Variants in ZNF534 observed in about 807,000 individuals in gnomAD.
The protein encoded by ZNF534 is KRAB domain only 3.
A neutral mutation model predicts 13.6 loss-of-function variants in ZNF534; 19 were observed. The observed-to-expected ratio is 1.40, with a 90% CI of 0.97 to 2.05. ZNF534 has a LOEUF of 2.05. Ranked by LOEUF, ZNF534 falls within the 30% of genes most tolerant of loss-of-function variation. The pLI is 0.00. For synonymous variants in ZNF534, 244 were observed against 273.8 expected, an observed-to-expected ratio of 0.89 and a Z score of 1.07; for missense variants, 782 against 796.3, an observed-to-expected ratio of 0.98 and a Z score of 0.22.
downstream of ZNF534, among the ~76,000 whole-genome samples, chr19:52,446,217 C>T (rs1267129880): frequency 6.6e-6 from 1 of 152,120 alleles, no homozygotes; most frequent in Non-Finnish European, 1.5e-5. Flanking sequence ...CATCCCCCAC[C>T]ACATGCCAAT....
intron 1 of ZNF534, among the ~76,000 whole-genome samples, chr19:52,430,376 T>G (rs1229314867): frequency 6.6e-6 from 1 of 152,004 alleles, no homozygotes; most frequent in Non-Finnish European, 1.5e-5. Context: ...TTAAGGGGAA[T>G]TAATAGGGTT....
intron 3 of ZNF534, among the ~76,000 whole-genome samples, chr19:52,434,291 C>G (rs113398066): frequency 2.6e-5 from 4 of 151,434 alleles, no homozygotes; most frequent in Middle Eastern, 3.4e-3. Flanking sequence ...GTCAGGAGAT[C>G]GAGACCACGG....
intron 3 of ZNF534, among the ~76,000 whole-genome samples, chr19:52,434,464 C>CAAAAA (rs528136970): frequency 4.8e-4 from 30 of 63,092 alleles, no homozygotes; most frequent in East Asian, 7.6e-4. Context: ...GACTCCGTCT[C>CAAAAA]AAAAAAAAAA....
downstream of ZNF534, among the ~76,000 whole-genome samples, chr19:52,444,958 G>A (rs886102727): frequency 2.6e-5 from 4 of 152,118 alleles, no homozygotes; most frequent in African/African-American, 9.7e-5. Flanking sequence ...TAAGGCTTTC[G>A]TGCCTCCCAG....
Position 52,451,466 on chromosome 19 carries a change from G to A in ZNF534, c.551G>A (p.Trp184Ter). The change falls in exon 5 of 5, where the codon TGG (tryptophan) becomes TAG (stop). Residue 184 changes from tryptophan (W) to a stop codon, truncating the protein, a stop_gained. Coordinates refer to the ZNF534 transcript ENST00000301085. LOFTEE classifies it high-confidence loss of function. ...CACGCCCCGGACGCTGTCCAGCGTTGGCCGCCTGAGCAGAGGCTGCCGCGG... is the reference window on the plus strand; with the variant it reads ...CACGCCCCGGACGCTGTCCAGCGTTAGCCGCCTGAGCAGAGGCTGCCGCGG... The A allele has an allele frequency of 1.7e-6, 1 of 585,152 alleles. No homozygotes were observed. The highest frequency in any genetic ancestry group is 3.0e-6 in the Non-Finnish European group (1 of 332,688). 36.2% of individuals were successfully genotyped at this position (585,152 alleles called of 1,614,324 possible).
rs901803062 is a variant in ZNF534, at chr19:52,440,813, C to T, written c.*1367C>T. Among the ~76,000 whole-genome samples, 4 of 150,466 alleles carry T rather than the reference C, an allele frequency of 2.7e-5. No individual in the cohort carries two copies. Among genetic ancestry groups the T allele is most frequent in the Non-Finnish European group, 5.9e-5 (4 of 67,784 alleles). On this transcript the variant is annotated 3_prime_UTR_variant, in exon 5 of 5. Coordinates refer to ENST00000433050, the MANE Select transcript of ZNF534 (RefSeq NM_001143938.3). ...AAAAAGAATTCATACTGGAAGGAAG[C>T]GTTACAAATGTAATGAATGCGGCAG... is the stretch of plus-strand genomic sequence containing the variant.
intron 4 of ZNF534, among the ~76,000 whole-genome samples, chr19:52,448,850 A>C (rs1284845040): frequency 1.3e-5 from 2 of 152,200 alleles, no homozygotes; most frequent in African/African-American, 2.4e-5. Context: ...TCAAACATTT[A>C]TTTCTTTCTC....
intron 1 of ZNF534, among the ~76,000 whole-genome samples, chr19:52,429,446 G>A (rs1322258920): frequency 6.6e-6 from 1 of 151,954 alleles, no homozygotes; most frequent in African/African-American, 2.4e-5. Flanking sequence ...CGGGCGCGGT[G>A]CCTCACGCCT....
chr19:52,447,938 A>G (rs2059200143), intron 4 of ZNF534, among the ~76,000 whole-genome samples: 4 of 150,620 alleles, frequency 2.7e-5, no homozygotes, highest in Admixed American at 2.7e-4. Context: ...TAATGGTTTC[A>G]TAAATTAAGT....
intron 4 of ZNF534, among the ~76,000 whole-genome samples, chr19:52,450,471 A>C (rs2059209160): frequency 6.6e-6 from 1 of 151,968 alleles, no homozygotes; most frequent in Non-Finnish European, 1.5e-5. Context: ...CTGGCTGCAA[A>C]GATGTGGGTT....
At chr19:52,437,121 T>C (rs1422408534) in intron 4 of ZNF534, among the ~76,000 whole-genome samples, 1 of 152,176 alleles carries the variant, frequency 6.6e-6, no homozygotes, top group Admixed American at 6.6e-5. Flanking sequence ...TACAAATATC[T>C]ACATTGCTGC....
chr19:52,436,781 G>T (rs941459458), intron 4 of ZNF534, among the ~76,000 whole-genome samples: 1 of 151,900 alleles, frequency 6.6e-6, no homozygotes. Flanking sequence ...CAGAATTTCT[G>T]TTCTCTTGTT....
At chr19:52,434,498 CATT>C (rs1247703063) in intron 3 of ZNF534, among the ~76,000 whole-genome samples, 32 of 144,296 alleles carry the variant, frequency 2.2e-4, no homozygotes, top group African/African-American at 7.7e-4. Flanking sequence ...AAATGAAAAG[CATT>C]ATGCTTTCTG....
At chr19:52,434,148 T>G (rs777519701) in intron 3 of ZNF534, 67 bp downstream of exon 3, 1 of 1,571,074 alleles carries the variant, frequency 6.4e-7, no homozygotes, top group Non-Finnish European at 8.6e-7. Flanking sequence ...TTCTCTTGTG[T>G]GTCTCTCGGG....
chr19:52,438,243 GA>G lies in ZNF534; in HGVS notation c.787del (p.Ile263PhefsTer56), dbSNP rs2059142703. ...NQNSHLAQHQ[K>X]IHTGQKPYNN... Reference sequence around the variant, plus strand: ...AGAATTCACACCTTGCACAACATCAGAAAATTCATACTGGACAGAAACCTTA... The same window carrying G: ...AGAATTCACACCTTGCACAACATCAGAAATTCATACTGGACAGAAACCTTA... On this transcript the variant is annotated frameshift_variant, in exon 5 of 5. Transcript: ENST00000433050. LOFTEE classifies it low-confidence loss of function (END_TRUNC). 1 of 1,613,834 alleles carries G rather than the reference GA, an allele frequency of 6.2e-7. No individual in the cohort carries two copies. The highest frequency in any genetic ancestry group is 2.2e-5 in the East Asian group (1 of 44,868).
At chr19:52,446,318 G>A (rs1377355206), downstream of ZNF534, among the ~76,000 whole-genome samples, 1 of 152,052 alleles carries the variant, frequency 6.6e-6, no homozygotes, top group African/African-American at 2.4e-5. Context: ...CCCACCAGAG[G>A]ATATTACAGG....
rs1365875290 is a variant in ZNF534 at position 52,437,986 on chromosome 19, G to C, written c.526G>C (p.Glu176Gln). Residue 176 changes from glutamate to glutamine, a missense_variant, in exon 5 of 5, where the codon GAA becomes CAA. Glu to Gln is a conservative substitution (Grantham distance 29). Transcript: ENST00000433050. ...TCTTTTTTCTACATTACTCCCACAA[G>C]AACAGAAAGTACACATTAGGGAAAA... Reference protein sequence around the residue: ...DFLFSTLLPQEQKVHIREKPY... With the variant: ...DFLFSTLLPQQQKVHIREKPY... The C allele has an allele frequency of 6.2e-7, 1 of 1,614,006 alleles. No individual in the cohort carries two copies. Among genetic ancestry groups the C allele is most frequent in the Admixed American group, 1.7e-5 (1 of 60,002 alleles).
In ZNF534 at chr19:52,438,422, C is replaced by T. The variant is rs1244838743; in HGVS notation, c.962C>T (p.Thr321Ile). The change falls in exon 5 of 5, where the codon ACT becomes ATT. Residue 321 changes from threonine to isoleucine, a missense_variant. By Grantham distance (89) the Thr-to-Ile change is moderately conservative. Coordinates refer to ENST00000433050, the MANE Select transcript of ZNF534 (RefSeq NM_001143938.3). ...CTTACTGCTCATCTTGTAATCCATA[C>T]TGGAGAGAAACCTTATGATTGTAAG... ...SSLTAHLVIH[T>I]GEKPYDCKEC... 6.2e-7 allele frequency: 1 copy of T among 1,613,474 alleles called. No individual in the cohort carries two copies. Among genetic ancestry groups the T allele is most frequent in the Non-Finnish European group, 8.5e-7 (1 of 1,179,698 alleles).
In ZNF534 at chr19:52,439,185, G is replaced by T. The variant is rs775090188; in HGVS notation, c.1725G>T (p.Glu575Asp). The T allele has an allele frequency of 6.5e-7, 1 of 1,541,270 alleles. No individual in the cohort carries two copies. Among genetic ancestry groups the T allele is most frequent in the African/African-American group, 1.4e-5 (1 of 72,040 alleles). Reference sequence around the variant, plus strand: ...GACATAGGAATATTCATACTGGAGAGAAGCCTCACAGTTGTAATGAATGTG... The same window carrying T: ...GACATAGGAATATTCATACTGGAGATAAGCCTCACAGTTGTAATGAATGTG... Reference protein sequence around the residue: ...LARHRNIHTGEKPHSCNECGK... With the variant: ...LARHRNIHTGDKPHSCNECGK... The change falls in exon 5 of 5, where the codon GAG becomes GAT. Residue 575 changes from glutamate to aspartate, a missense_variant. Around this residue, in one of 5 missense-constraint regions of ZNF534, gnomAD observed 591 missense variants for 574.0 expected, o/e 1.03. Coordinates refer to ENST00000433050, the MANE Select transcript of ZNF534 (RefSeq NM_001143938.3).
Sources: gnomAD v4.1 joint callset for allele counts (sites outside exome capture counted in the v4.1 genomes callset) on GRCh38, gnomAD v4.1.1 for gene constraint, gnomAD v4.1.1 regional missense constraint, MANE v1.5 for transcripts, NCBI Gene and HGNC (gene_info 2026-07-23, HGNC 2026-07-21) for gene names.